Variants in KRTAP13-4 observed in about 807,000 individuals in gnomAD.
KRTAP13-4 encodes keratin associated protein 13-4.
For synonymous variants in KRTAP13-4, 80 were observed against 77.2 expected (o/e 1.04, Z -0.19); for missense variants, 198 against 189.6 (o/e 1.04, Z -0.26).
At position 30,430,512 on chromosome 21, in the gene KRTAP13-4, G is replaced by C. The variant is rs747670157; in HGVS notation, c.237G>C (p.Thr79=). Residue 79 remains threonine, a synonymous_variant, in exon 1 of 1, where the codon ACG becomes ACC. Transcript: ENST00000334068. ...CCATCCTCTGCTGTCCCTGTCAGAC[G>C]ACTTGCTCTGGATCTCTAGGCTTTC... 3.1e-6 allele frequency: 5 copies of C among 1,614,052 alleles called. No homozygotes were observed. In the East Asian group the frequency reaches 1.1e-4, roughly 36 times the overall value.
chr21:30,430,412 C>G, exon 1 of KRTAP13-4: 1 of 1,614,228 alleles, frequency 6.2e-7, no homozygotes, highest in Non-Finnish European at 8.5e-7. Flanking sequence ...CTGCGTTCCT[C>G]TCTCTACAGG....
chr21:30,431,006 G>A (rs1285104187), exon 1 of KRTAP13-4: 3 of 377,730 alleles, frequency 7.9e-6, no homozygotes, highest in Non-Finnish European at 1.5e-5. Flanking sequence ...TCTAATAAAT[G>A]TATGTAATCT....
chr21:30,430,875 C>A, exon 1 of KRTAP13-4: 1 of 1,175,676 alleles, frequency 8.5e-7, no homozygotes, highest in Non-Finnish European at 1.2e-6. Flanking sequence ...CTTGCATGAC[C>A]AACTTCTGGC....
At chr21:30,430,679 A>T (rs748864448) in exon 1 of KRTAP13-4, 2 of 1,613,942 alleles carry the variant, frequency 1.2e-6, no homozygotes, top group Admixed American at 3.3e-5. Flanking sequence ...TGCTACCCAA[A>T]CTACTTGGCT....
chr21:30,430,388 C>T lies in KRTAP13-4; in HGVS notation c.113C>T (p.Pro38Leu), dbSNP rs986707221. 35 of 1,614,082 alleles carry T rather than the reference C, an allele frequency of 2.2e-5. No homozygotes were observed. The highest frequency in any genetic ancestry group is 2.8e-5 in the Non-Finnish European group (33 of 1,180,054). Residue 38 changes from proline (P) to leucine (L), a missense_variant, in exon 1 of 1, where the codon CCC becomes CTC. Physicochemically the swap from Pro to Leu is moderately conservative, Grantham distance 98. Transcript: ENST00000334068. Reference sequence around the variant, plus strand: ...GTCTACAGCACTGCCCTCTGCTCTCCCAGCACCTGCCAGCTGCGTTCCTCT... The same window carrying T: ...GTCTACAGCACTGCCCTCTGCTCTCTCAGCACCTGCCAGCTGCGTTCCTCT...
At position 30,430,733 on chromosome 21, in the gene KRTAP13-4, C is replaced by T. The variant is rs370757572; in HGVS notation, c.458C>T (p.Ser153Phe). The T allele has an allele frequency of 1.2e-6, 2 of 1,611,170 alleles. No homozygotes were observed. Among genetic ancestry groups the T allele is most frequent in the African/African-American group, 2.7e-5 (2 of 74,746 alleles). Residue 153 changes from serine to phenylalanine, a missense_variant, in exon 1 of 1, where the codon TCT (serine) becomes TTT (phenylalanine). Ser to Phe is a radical substitution (Grantham distance 155). Transcript: ENST00000334068. The stretch of plus-strand genomic sequence containing the variant: ...TCTTGTTACAGACCAATCTGTGGAT[C>T]TCGCTTCTATCAATTCACCTGCTAA...
exon 1 of KRTAP13-4, chr21:30,430,940 A>C (rs910622381): frequency 2.2e-5 from 14 of 634,532 alleles, no homozygotes; most frequent in Non-Finnish European, 3.0e-5. Flanking sequence ...TTTACCATTG[A>C]TCGAATATAT....
chr21:30,430,692 T>C (rs1984439216), exon 1 of KRTAP13-4: 1 of 1,614,094 alleles, frequency 6.2e-7, no homozygotes, highest in South Asian at 1.1e-5. Context: ...ACTTGGCTTC[T>C]GGAGCCTGGC....
chr21:30,430,754 G>C (rs1242740355), exon 1 of KRTAP13-4: 3 of 1,602,660 alleles, frequency 1.9e-6, no homozygotes, highest in Non-Finnish European at 2.6e-6. Context: ...CAATTCACCT[G>C]CTAAATTTCT....
exon 1 of KRTAP13-4, chr21:30,430,365 C>T: frequency 6.2e-7 from 1 of 1,614,198 alleles, no homozygotes; most frequent in East Asian, 2.2e-5. Flanking sequence ...GCAGCCTGGT[C>T]TACAGCACTG....
chr21:30,430,501 C>G lies in KRTAP13-4; in HGVS notation c.226C>G (p.Pro76Ala), dbSNP rs375241455. The change falls in exon 1 of 1, where the codon CCC (proline) becomes GCC (alanine). Residue 76 changes from proline (P) to alanine (A), a missense_variant. By Grantham distance (27) the Pro-to-Ala change is conservative. Transcript: ENST00000334068. ...CCCCAGGACCTCCATCCTCTGCTGTCCCTGTCAGACGACTTGCTCTGGATC... is the reference window on the plus strand; with the variant it reads ...CCCCAGGACCTCCATCCTCTGCTGTGCCTGTCAGACGACTTGCTCTGGATC... 14 of 1,614,056 alleles carry G rather than the reference C, an allele frequency of 8.7e-6. No individual in the cohort carries two copies. Among genetic ancestry groups the G allele is most frequent in the African/African-American group, 4.0e-5 (3 of 74,922 alleles).
exon 1 of KRTAP13-4, chr21:30,430,669 T>C: frequency 6.2e-7 from 1 of 1,614,260 alleles, no homozygotes; most frequent in Non-Finnish European, 8.5e-7. Context: ...ATCCAGATTC[T>C]GCTACCCAAA....
chr21:30,430,825 G>C, exon 1 of KRTAP13-4: 1 of 1,510,878 alleles, frequency 6.6e-7, no homozygotes, highest in East Asian at 2.3e-5. Flanking sequence ...TTTCATTCTT[G>C]CCAGATCCCA....
At chr21:30,431,021 C>G in exon 1 of KRTAP13-4, 2 of 333,840 alleles carry the variant, frequency 6.0e-6, no homozygotes, top group Non-Finnish European at 1.1e-5. Flanking sequence ...TAATCTGGTA[C>G]CCAAATATAT....
chr21:30,430,313 G>T (rs79061358), exon 1 of KRTAP13-4: 5 of 1,612,456 alleles, frequency 3.1e-6, no homozygotes, highest in Non-Finnish European at 4.2e-6. Context: ...TTCTCCTCCC[G>T]CTCCTTTGGG....
At chr21:30,430,396 T>C (rs1984419655) in exon 1 of KRTAP13-4, 2 of 1,614,084 alleles carry the variant, frequency 1.2e-6, no homozygotes, top group Non-Finnish European at 1.7e-6. Flanking sequence ...TCCCAGCACC[T>C]GCCAGCTGCG....
chr21:30,430,720 C>A, exon 1 of KRTAP13-4: 1 of 1,613,624 alleles, frequency 6.2e-7, no homozygotes, highest in Non-Finnish European at 8.5e-7. Context: ...TTGTTACAGA[C>A]CAATCTGTGG....
chr21:30,430,833 C>A, exon 1 of KRTAP13-4: 1 of 1,500,258 alleles, frequency 6.7e-7, no homozygotes, highest in South Asian at 1.4e-5. Flanking sequence ...TTGCCAGATC[C>A]CAATATCTTT....
At chr21:30,430,247 A>C in exon 1 of KRTAP13-4, 1 of 1,555,882 alleles carries the variant, frequency 6.4e-7, no homozygotes, top group Non-Finnish European at 8.7e-7. Context: ...TCTTAGGTAC[A>C]CTCAGCTGAA....
Sources: gnomAD v4.1 joint callset for allele counts on GRCh38, gnomAD v4.1.1 for gene constraint, MANE v1.5 for transcripts, NCBI Gene and HGNC (gene_info 2026-07-23, HGNC 2026-07-21) for gene names.